LIFR: variants seen among roughly 807,000 people sequenced by gnomAD.
The protein encoded by LIFR is leukemia inhibitory factor receptor.
A neutral mutation model predicts 122.2 loss-of-function variants in LIFR; 84 were observed. The observed-to-expected ratio is 0.69, with a 90% CI of 0.58 to 0.82. The LOEUF (loss-of-function observed/expected upper bound fraction) is 0.82. Ranked by LOEUF, LIFR falls within the 40% of genes least tolerant of loss-of-function variation. The pLI is 0.00. For synonymous variants in LIFR, 422 were observed against 434.7 expected, an observed-to-expected ratio of 0.97 and a Z score of 0.36; for missense variants, 1,294 against 1,311.6, an observed-to-expected ratio of 0.99 and a Z score of 0.21.
intron 1 of LIFR, among the ~76,000 whole-genome samples, chr5:38,582,128 A>G (rs931716731): frequency 2.7e-5 from 4 of 150,280 alleles, no homozygotes; most frequent in African/African-American, 7.4e-5. Context: ...TCTCATGATC[A>G]TAGATCACTG....
intron 2 of LIFR, 55 bp from the exon 3 acceptor site, chr5:38,528,895 G>A: frequency 2.0e-6 from 2 of 1,003,252 alleles, no homozygotes; most frequent in East Asian, 2.6e-5. Flanking sequence ...CATAAACACA[G>A]AATATGCTGA....
chr5:38,510,533 C>A lies in LIFR; in HGVS notation c.922G>T (p.Ala308Ser). 6.2e-7 allele frequency: 1 copy of A among 1,613,916 alleles called. No homozygotes were observed. Among genetic ancestry groups the A allele is most frequent in the South Asian group, 1.1e-5 (1 of 91,080 alleles). The change falls in exon 7 of 20, where the codon GCA becomes TCA. Residue 308 changes from alanine (A) to serine (S), a missense_variant. By Grantham distance (99) the Ala-to-Ser change is moderately conservative. Transcript: ENST00000453190. ...AAAACTACATTTGTTCCACTACTTGCAGAAACAGAAATATTACGAATCTTG... is the reference window on the plus strand; with the variant it reads ...AAAACTACATTTGTTCCACTACTTGAAGAAACAGAAATATTACGAATCTTG... ...AIKIRNISVS[A>S]SSGTNVVFTT... is the part of the protein sequence containing the mutation.
chr5:38,567,542 A>ATTTATTTATTTG (rs994653574), intron 1 of LIFR, among the ~76,000 whole-genome samples: 1 of 148,196 alleles, frequency 6.7e-6, no homozygotes, highest in African/African-American at 2.5e-5. Flanking sequence ...TTATTTATTT[A>ATTTATTTATTTG]TTTTGAAGAC....
Position 38,536,354 on chromosome 5 carries a change from T to TA in LIFR, c.-19-5689dup, listed in dbSNP as rs550816519. Among the ~76,000 whole-genome samples the TA allele has an allele frequency of 1.9e-3, 276 of 147,156 alleles. 1 individual carries two copies. The highest frequency in any genetic ancestry group is 4.8e-3 in the South Asian group (22 of 4,628). On this transcript the variant is annotated intron_variant, in intron 1 of 19. Coordinates refer to ENST00000453190, the MANE Select transcript of LIFR (RefSeq NM_001127671.2). Reference sequence around the variant, plus strand: ...CAACAGTACAACAATAAAAAAACAGTAAAAAAAAAAGTACCGTTTAACAAC... The same window carrying TA: ...CAACAGTACAACAATAAAAAAACAGTAAAAAAAAAAAGTACCGTTTAACAAC...
chr5:38,495,692 G>C (rs1048046100), intron 13 of LIFR, among the ~76,000 whole-genome samples: 4 of 152,184 alleles, frequency 2.6e-5, no homozygotes, highest in African/African-American at 9.6e-5. Context: ...TGGGTAGGCA[G>C]AAAATGACTG....
chr5:38,583,106 A>C (rs1029352793), intron 1 of LIFR, among the ~76,000 whole-genome samples: 23 of 152,260 alleles, frequency 1.5e-4, no homozygotes, highest in African/African-American at 5.5e-4. Flanking sequence ...AGTGCCTTGC[A>C]CATACGTAAC....
intron 1 of LIFR, among the ~76,000 whole-genome samples, chr5:38,591,042 A>G (rs553555001): frequency 6.6e-6 from 1 of 152,358 alleles, no homozygotes; most frequent in East Asian, 1.9e-4. Context: ...GGTGCCAAGG[A>G]TTCTGAAGGA....
At chr5:38,503,765 C>G (rs192393238) in intron 10 of LIFR, among the ~76,000 whole-genome samples, 1 of 152,152 alleles carries the variant, frequency 6.6e-6, no homozygotes, top group Admixed American at 6.5e-5. Flanking sequence ...TATAGTGCAT[C>G]TGGGAACATT....
At chr5:38,503,509 TCA>T (rs1745294489) in intron 10 of LIFR, among the ~76,000 whole-genome samples, 1 of 152,160 alleles carries the variant, frequency 6.6e-6, no homozygotes, top group African/African-American at 2.4e-5. Context: ...CTCATTTATT[TCA>T]GACTTACCAC....
At chr5:38,564,305 C>A (rs1173638584) in intron 1 of LIFR, among the ~76,000 whole-genome samples, 2 of 152,012 alleles carry the variant, frequency 1.3e-5, no homozygotes, top group Non-Finnish European at 2.9e-5. Context: ...TCACTGCAGC[C>A]TTGACCTCCT....
intron 12 of LIFR, among the ~76,000 whole-genome samples, chr5:38,497,099 C>A (rs541477816): frequency 6.6e-6 from 1 of 152,286 alleles, no homozygotes; most frequent in Admixed American, 6.5e-5. Flanking sequence ...AGTTCGAGAC[C>A]AGCCTGCCAA....
rs553972778 is a variant in LIFR at position 38,574,757 on chromosome 5, T to G, written c.-20+20504A>C. 4.4e-4 allele frequency among the ~76,000 whole-genome samples: 67 copies of G among 152,354 alleles called. 1 individual carries two copies. Among genetic ancestry groups the G allele is most frequent in the African/African-American group, 1.6e-3 (66 of 41,592 alleles). On this transcript the variant is annotated intron_variant, in intron 1 of 19. Transcript: ENST00000263409. ...CCATCATTTTCCTTAGCTTAGACTA[T>G]ACTCTACTTTGCATGCTGACGGTCA...
chr5:38,523,702 C>CTT (rs1487457395), intron 4 of LIFR, 120 bp from the exon 5 acceptor site: 5 of 853,340 alleles, frequency 5.9e-6, no homozygotes, highest in Admixed American at 5.0e-5. Context: ...AATCAATAAT[C>CTT]AAGATTTAAA....
intron 1 of LIFR, chr5:38,579,385 C>T (rs576417015): frequency 6.6e-6 from 1 of 151,762 alleles, no homozygotes; most frequent in Non-Finnish European, 1.5e-5. Flanking sequence ...GAGCAGCCAA[C>T]ATTTTGAACA....
chr5:38,541,850 A>G (rs185973810), intron 1 of LIFR, among the ~76,000 whole-genome samples: 1 of 152,352 alleles, frequency 6.6e-6, no homozygotes, highest in East Asian at 1.9e-4. Flanking sequence ...ACAGAAAATG[A>G]ACAAATACAG....
chr5:38,597,027 C>G (rs753911019), upstream of LIFR, among the ~76,000 whole-genome samples: 1 of 152,236 alleles, frequency 6.6e-6, no homozygotes, highest in African/African-American at 2.4e-5. Context: ...CTAGAGGAAG[C>G]CCAGCTTCTG....
At chr5:38,602,072 C>T (rs370173905) in intron 2 of LIFR, among the ~76,000 whole-genome samples, 17 of 152,304 alleles carry the variant, frequency 1.1e-4, no homozygotes, top group South Asian at 4.2e-4. Context: ...AATTTCTTGG[C>T]GGCTCTTTAT....
intron 19 of LIFR, 104 bp downstream of exon 19, chr5:38,482,485 A>G (rs1242994052): frequency 5.6e-6 from 4 of 718,984 alleles, no homozygotes; most frequent in Non-Finnish European, 9.5e-6. Context: ...AATTTTCCCA[A>G]TACTTTTTAA....
chr5:38,517,951 AAAAAC>A (rs1313219440), intron 5 of LIFR, among the ~76,000 whole-genome samples: 5 of 149,254 alleles, frequency 3.3e-5, no homozygotes, highest in African/African-American at 4.9e-5. Context: ...TGAAAAAAAA[AAAAAC>A]AAACAAAAAA....
Sources: allele counts gnomAD v4.1 joint callset (sites outside exome capture counted in the v4.1 genomes callset), GRCh38; gene constraint gnomAD v4.1.1; transcripts MANE v1.5; gene names NCBI Gene and HGNC (gene_info 2026-07-23, HGNC 2026-07-21).